Variants in GPHN observed in about 807,000 individuals in gnomAD.
GPHN encodes the protein gephyrin.
In GPHN, 17 loss-of-function variants were observed where a neutral mutation model predicts 95.5. The ratio of observed to expected loss-of-function variants is 0.18; its 90% CI spans 0.12 to 0.27. The LOEUF is 0.27. Among genes scored for constraint, GPHN ranks in the 10% least tolerant of loss-of-function variants. The probability of loss-of-function intolerance (pLI) is 1.00; values close to 1 mark genes in which losing one functional copy is unlikely to be tolerated. For synonymous variants in GPHN, 320 were observed against 322.5 expected (o/e 0.99, Z 0.08); for missense variants, 660 against 978.1 (o/e 0.67, Z 4.34).
chr14:67,527,975 C>T, the GPHN span, among the ~76,000 whole-genome samples: 2 of 152,144 alleles, frequency 1.3e-5, no homozygotes, highest in Non-Finnish European at 2.9e-5. Flanking sequence ...TACTGAGCCA[C>T]CTACTCCTCC....
At chr14:67,402,349 C>T in the GPHN span, among the ~76,000 whole-genome samples, 2 of 152,100 alleles carry the variant, frequency 1.3e-5, no homozygotes, top group Non-Finnish European at 2.9e-5. Flanking sequence ...TTGATACAGG[C>T]ATACATTGCA....
chr14:66,990,304 G>C (rs536740151), intron 9 of GPHN, among the ~76,000 whole-genome samples: 1 of 152,114 alleles, frequency 6.6e-6, no homozygotes, highest in African/African-American at 2.4e-5. Context: ...TTTGGGTGGA[G>C]ACACAGAGCC....
the GPHN span, among the ~76,000 whole-genome samples, chr14:67,670,336 T>C: frequency 6.6e-6 from 1 of 152,162 alleles, no homozygotes; most frequent in Non-Finnish European, 1.5e-5. Flanking sequence ...GCCCCTCTAC[T>C]ACTACTTTCC....
chr14:66,821,903 T>C (rs2061207665), intron 3 of GPHN, among the ~76,000 whole-genome samples: 1 of 152,184 alleles, frequency 6.6e-6, no homozygotes, highest in Admixed American at 6.5e-5. Context: ...CAGTTATCCA[T>C]CCTGGAAATA....
chr14:67,352,903 C>T, the GPHN span: 33 of 1,531,880 alleles, frequency 2.2e-5, no homozygotes, highest in South Asian at 3.6e-4. Context: ...AAATACTATT[C>T]TAAGAAAAGT....
chr14:67,284,340 G>T, the GPHN span, among the ~76,000 whole-genome samples: 3 of 150,208 alleles, frequency 2.0e-5, no homozygotes, highest in South Asian at 2.1e-4. Context: ...GTTCACGCCC[G>T]TATTAGTAGC....
At chr14:66,675,146 G>GTTTT (rs60014934) in intron 1 of GPHN, among the ~76,000 whole-genome samples, 6,270 of 135,330 alleles carry the variant, frequency 0.046, 206 homozygotes, top group Middle Eastern at 0.057. Context: ...TCTTTTTCCA[G>GTTTT]TTTTTTTTTT....
At chr14:66,782,811 T>C (rs2059651645) in intron 3 of GPHN, among the ~76,000 whole-genome samples, 1 of 152,070 alleles carries the variant, frequency 6.6e-6, no homozygotes, top group East Asian at 1.9e-4. Flanking sequence ...CCACCCTGGA[T>C]GACAGAGCGA....
At chr14:67,477,732 G>A in the GPHN span, among the ~76,000 whole-genome samples, 1 of 152,120 alleles carries the variant, frequency 6.6e-6, no homozygotes, top group East Asian at 1.9e-4. Flanking sequence ...TTGAATTCAA[G>A]ACTAGCCTAG....
the GPHN span, among the ~76,000 whole-genome samples, chr14:67,244,493 T>G: frequency 1.3e-5 from 2 of 152,344 alleles, no homozygotes; most frequent in African/African-American, 4.8e-5. Flanking sequence ...AATATTTAAC[T>G]CTAATTTACA....
At chr14:66,518,121 A>G (rs896511886) in intron 1 of GPHN, among the ~76,000 whole-genome samples, 3 of 141,916 alleles carry the variant, frequency 2.1e-5, no homozygotes, top group Non-Finnish European at 3.0e-5. Context: ...AAATAAATAA[A>G]TAACCCAGAA....
At position 66,794,336 on chromosome 14, in the gene GPHN, G is replaced by A. The variant is rs556343892; in HGVS notation, c.201+17815G>A. Reference sequence around the variant, plus strand: ...TGCTGCTGCTCTGGCCATGTAAGACGTGTCTTCTGCCATAATGTAAGTTTC... The same window carrying A: ...TGCTGCTGCTCTGGCCATGTAAGACATGTCTTCTGCCATAATGTAAGTTTC... On this transcript the variant is annotated intron_variant, in intron 3 of 22. Transcript: ENST00000478722. 1.3e-4 allele frequency among the ~76,000 whole-genome samples: 20 copies of A among 152,196 alleles called. 1 individual carries two copies. Among genetic ancestry groups the A allele is most frequent in the Middle Eastern group, 6.8e-3 (2 of 294 alleles).
intron 18 of GPHN, among the ~76,000 whole-genome samples, chr14:67,155,408 A>G (rs2081525080): frequency 6.6e-6 from 1 of 152,200 alleles, no homozygotes; most frequent in Admixed American, 6.5e-5. Context: ...CATGCTAGAG[A>G]TAGAGCAAAA....
chr14:67,107,370 G>A (rs1352997920), intron 13 of GPHN, among the ~76,000 whole-genome samples: 1 of 152,120 alleles, frequency 6.6e-6, no homozygotes, highest in Non-Finnish European at 1.5e-5. Flanking sequence ...CTGGTTCTTG[G>A]GGTTCAGGTT....
At chr14:67,658,787 G>A in the GPHN span, among the ~76,000 whole-genome samples, 181 of 151,976 alleles carry the variant, frequency 1.2e-3, no homozygotes, top group African/African-American at 3.9e-3. Context: ...ATAATCCCTC[G>A]CGCATCCATT....
At chr14:67,408,851 T>TA in the GPHN span, among the ~76,000 whole-genome samples, 1 of 152,146 alleles carries the variant, frequency 6.6e-6, no homozygotes, top group African/African-American at 2.4e-5. Context: ...ACTATAAACA[T>TA]ATTCAACATC....
At chr14:67,564,463 T>C in the GPHN span, among the ~76,000 whole-genome samples, 1 of 152,012 alleles carries the variant, frequency 6.6e-6, no homozygotes, top group Non-Finnish European at 1.5e-5. Context: ...GTGAGATCAT[T>C]CTTTTTTTAA....
chr14:67,543,415 C>T, the GPHN span, among the ~76,000 whole-genome samples: 24 of 152,192 alleles, frequency 1.6e-4, 1 homozygote, highest in South Asian at 3.3e-3. Context: ...CAGGTACTGC[C>T]GATAGAAAGG....
chr14:67,446,640 A>ACACTGAAG, the GPHN span, among the ~76,000 whole-genome samples: 2 of 152,198 alleles, frequency 1.3e-5, 1 homozygote, highest in East Asian at 3.8e-4. Flanking sequence ...AGCCATTAGG[A>ACACTGAAG]CACTGAAGCC....
Sources: gnomAD v4.1 joint callset for allele counts (sites outside exome capture counted in the v4.1 genomes callset) on GRCh38, gnomAD v4.1.1 for gene constraint, MANE v1.5 for transcripts, NCBI Gene and HGNC (gene_info 2026-07-23, HGNC 2026-07-21) for gene names.